ACOT9: variants seen among roughly 807,000 people sequenced by gnomAD.
The protein encoded by ACOT9 is acyl-coenzyme A thioesterase 9, mitochondrial.
In ACOT9, 34 loss-of-function variants were observed where a neutral mutation model predicts 39.7. The observed-to-expected ratio is 0.86, with a 90% CI of 0.65 to 1.14. The LOEUF is 1.14. Among genes scored for constraint, ACOT9 ranks in the 50% most tolerant of loss-of-function variants. ACOT9 has a pLI of 0.00. For missense variants in ACOT9, 313 were observed against 344.1 expected (o/e 0.91, Z 0.71); for synonymous variants, 110 against 120.5 (o/e 0.91, Z 0.57).
At chrX:23,704,210 G>T (rs749226914) in intron 15 of ACOT9, among the ~76,000 whole-genome samples, 12 of 83,809 alleles carry the variant, frequency 1.4e-4, no homozygotes, top group African/African-American at 3.4e-4. Context: ...TCGCTCTGTT[G>T]CCCAGACTGG....
At chrX:23,725,164 A>G (rs1037141242) in intron 6 of ACOT9, among the ~76,000 whole-genome samples, 4 of 111,039 alleles carry the variant, frequency 3.6e-5, no homozygotes, top group Non-Finnish European at 7.5e-5. Context: ...ACCACTGATC[A>G]GTACACTTAA....
intron 8 of ACOT9, among the ~76,000 whole-genome samples, chrX:23,719,841 A>ATTTT (rs758925800): frequency 0.018 from 1,860 of 100,907 alleles, 49 homozygotes; most frequent in African/African-American, 0.064. Flanking sequence ...TGAATAAGTC[A>ATTTT]TTTTTTTTTT....
chrX:23,717,015 C>T (rs1165836080), intron 8 of ACOT9, among the ~76,000 whole-genome samples: 3 of 111,521 alleles, frequency 2.7e-5, no homozygotes, highest in Non-Finnish European at 3.8e-5. Context: ...GCACCACCCC[C>T]AGCTAATTTT....
rs749514291 is a variant in ACOT9 at position 23,729,401 on chromosome X, A to T, written c.400+1126T>A. Among the ~76,000 whole-genome samples, 6 of 112,118 alleles carry T rather than the reference A, an allele frequency of 5.4e-5. No individual in the cohort carries two copies. The South Asian group carries it at 2.2e-3, about 41-fold the overall frequency. ...GTCCTGACATGACAATTAAATCAAC[A>T]TATGATTCAGAACTGGATCCTTCTG... On this transcript the variant is annotated intron_variant, in intron 6 of 15. Coordinates refer to ENST00000379303, the MANE Select transcript of ACOT9 (RefSeq NM_001037171.2).
intron 6 of ACOT9, among the ~76,000 whole-genome samples, 155 bp from the exon 7 acceptor site, chrX:23,722,908 T>G (rs139662640): frequency 8.1e-5 from 9 of 111,514 alleles, no homozygotes; most frequent in Non-Finnish European, 1.7e-4. Context: ...ATCAAACACT[T>G]TTATAAATTG....
chrX:23,735,968 A>G lies in ACOT9; in HGVS notation c.69T>C (p.Thr23=). The part of the protein sequence containing the change: ...KGQLTPGRGL[T]QGPQNPKKQG... ...GTTTCTTGGGGTTCTGGGGTCCTTGAGTCAGTCCTCTTCCAGGAGTAAGCT... is the reference window on the plus strand; with the variant it reads ...GTTTCTTGGGGTTCTGGGGTCCTTGGGTCAGTCCTCTTCCAGGAGTAAGCT... Residue 23 remains threonine, a synonymous_variant, in exon 2 of 16, where the codon ACT becomes ACC. Coordinates refer to ENST00000379303, the MANE Select transcript of ACOT9 (RefSeq NM_001037171.2). 1 of 1,211,176 alleles carries G rather than the reference A, an allele frequency of 8.3e-7. No homozygotes were observed. The highest frequency in any genetic ancestry group is 3.0e-5 in the East Asian group (1 of 33,809).
At chrX:23,708,444 T>G (rs1410898762) in intron 9 of ACOT9, among the ~76,000 whole-genome samples, 2 of 108,939 alleles carry the variant, frequency 1.8e-5, no homozygotes, top group African/African-American at 6.7e-5. Flanking sequence ...GCAGGAGAAT[T>G]GCTTGAACCC....
At chrX:23,726,978 C>A (rs1008401030) in intron 6 of ACOT9, among the ~76,000 whole-genome samples, 1 of 49,167 alleles carries the variant, frequency 2.0e-5, no homozygotes, top group Admixed American at 2.0e-4. Flanking sequence ...CACCACCACG[C>A]CCGGCTACTT....
Position 23,701,264 on chromosome X carries a change from T to C in ACOT9, c.*2630A>G, listed in dbSNP as rs1323632868. Among the ~76,000 whole-genome samples, 1 of 111,077 alleles carries C rather than the reference T, an allele frequency of 9.0e-6. No homozygotes were observed. Among genetic ancestry groups the C allele is most frequent in the African/African-American group, 3.3e-5 (1 of 30,569 alleles). Reference sequence around the variant, plus strand: ...CCATTAGCCACCTCCCATCATGTCATAGGTAGATATGCAAAATGCTATATT... The same window carrying C: ...CCATTAGCCACCTCCCATCATGTCACAGGTAGATATGCAAAATGCTATATT... On this transcript the variant is annotated 3_prime_UTR_variant, in exon 16 of 16. Coordinates refer to ENST00000379303, the MANE Select transcript of ACOT9 (RefSeq NM_001037171.2).
intron 1 of ACOT9, among the ~76,000 whole-genome samples, chrX:23,736,540 T>G (rs1467882155): frequency 8.9e-6 from 1 of 112,410 alleles, no homozygotes; most frequent in Non-Finnish European, 1.9e-5. Context: ...AGCTATCTAC[T>G]GGCCACGGTG....
At chrX:23,708,496 C>T (rs1928781432) in intron 9 of ACOT9, among the ~76,000 whole-genome samples, 1 of 106,477 alleles carries the variant, frequency 9.4e-6, no homozygotes, top group Middle Eastern at 4.3e-3. Context: ...TGCCAGTGCA[C>T]TCCAGCCTGG....
intron 4 of ACOT9, among the ~76,000 whole-genome samples, chrX:23,731,343 G>A (rs773229462): frequency 9.1e-6 from 1 of 110,221 alleles, no homozygotes; most frequent in Non-Finnish European, 1.9e-5. Context: ...CAGGTGTGGT[G>A]GTGGGCACCT....
chrX:23,714,108 G>T (rs372297478), intron 8 of ACOT9, among the ~76,000 whole-genome samples: 1 of 111,319 alleles, frequency 9.0e-6, no homozygotes, highest in East Asian at 2.8e-4. Context: ...TTGGAACTGT[G>T]CAAGACTGGG....
chrX:23,722,740 G>A lies in ACOT9; in HGVS notation c.414C>T (p.Tyr138=). 2 of 1,192,843 alleles carry A rather than the reference G, an allele frequency of 1.7e-6. No individual in the cohort carries two copies. Among genetic ancestry groups the A allele is most frequent in the Non-Finnish European group, 2.3e-6 (2 of 880,573 alleles). Residue 138 remains tyrosine, a synonymous_variant, in exon 7 of 16, where the codon TAC becomes TAT. Coordinates refer to ENST00000379303, the MANE Select transcript of ACOT9 (RefSeq NM_001037171.2). ...DLDSLGVLIC[Y]MHNKIHSAKM... ...TGGCGGAGTGGATTTTGTTGTGCATGTAACAAATAAGAACTGCAGGGAAAC... is the reference window on the plus strand; with the variant it reads ...TGGCGGAGTGGATTTTGTTGTGCATATAACAAATAAGAACTGCAGGGAAAC...
chrX:23,742,213 T>TGAGAGAGAGAGAGAGA (rs1190609377), intron 1 of ACOT9, among the ~76,000 whole-genome samples: 3 of 68,908 alleles, frequency 4.4e-5, no homozygotes, highest in African/African-American at 1.5e-4. Flanking sequence ...AGTGAGTGAG[T>TGAGAGAGAGAGAGAGA]GAGAGAGAGA....
intron 9 of ACOT9, among the ~76,000 whole-genome samples, chrX:23,710,853 T>G (rs949313194): frequency 9.2e-6 from 1 of 108,280 alleles, no homozygotes; most frequent in Non-Finnish European, 1.9e-5. Flanking sequence ...GAAAAAAAAT[T>G]AGCTCGGCAT....
At position 23,704,773 on chromosome X, in the gene ACOT9, C is replaced by T; in HGVS notation, c.1179G>A (p.Gln393=). ...AATGAAAGACATTGGTGGTTGTATG[C>T]TGCTTCTCCTGCAGGGAGGCCACTT... ...HSEVASLQEK[Q]HTTTNVFHFT... The change falls in exon 15 of 16, where the codon CAG becomes CAA. Residue 393 remains glutamine, a synonymous_variant. Coordinates refer to ENST00000379303, the MANE Select transcript of ACOT9 (RefSeq NM_001037171.2). The T allele has an allele frequency of 8.3e-7, 1 of 1,210,026 alleles. No homozygotes were observed.
intron 6 of ACOT9, among the ~76,000 whole-genome samples, chrX:23,725,342 A>T (rs1028161596): frequency 4.6e-5 from 5 of 107,669 alleles, no homozygotes; most frequent in Admixed American, 1.0e-4. Flanking sequence ...GTTGTGGTAG[A>T]TGCCTGTAAT....
chrX:23,735,820 T>C, intron 2 of ACOT9, 99 bp downstream of exon 2: 1 of 647,643 alleles, frequency 1.5e-6, no homozygotes, highest in Non-Finnish European at 2.3e-6. Flanking sequence ...ACCTTTAATA[T>C]GCCTCATTTG....
Sources: gnomAD v4.1 joint callset for allele counts (sites outside exome capture counted in the v4.1 genomes callset) on GRCh38, gnomAD v4.1.1 for gene constraint, MANE v1.5 for transcripts, NCBI Gene and HGNC (gene_info 2026-07-23, HGNC 2026-07-21) for gene names.